Variants in LINGO2 observed in about 807,000 individuals in gnomAD.
The protein encoded by LINGO2 is leucine rich repeat and Ig domain containing 2.
In LINGO2, 14 loss-of-function variants were observed where a neutral mutation model predicts 30.6. The observed-to-expected ratio is 0.46, with a 90% confidence interval of 0.30 to 0.72. The LOEUF (loss-of-function observed/expected upper bound fraction) is 0.72. LINGO2 is among the 30% of genes least tolerant of loss of function. The pLI is 0.07. For synonymous variants in LINGO2, 317 were observed against 288.5 expected, an observed-to-expected ratio of 1.10 and a Z score of -1.00; for missense variants, 729 against 751.7, an observed-to-expected ratio of 0.97 and a Z score of 0.35.
the LINGO2 span, among the ~76,000 whole-genome samples, chr9:28,797,031 G>C: frequency 2.0e-5 from 3 of 151,224 alleles, no homozygotes; most frequent in Non-Finnish European, 2.9e-5. Context: ...CATTTTAAAG[G>C]CTTAATTTGC....
chr9:28,930,369 A>G, the LINGO2 span, among the ~76,000 whole-genome samples: 1 of 152,176 alleles, frequency 6.6e-6, no homozygotes, highest in Non-Finnish European at 1.5e-5. The surrounding 1 kb of genome is among the most constrained non-coding windows in gnomAD (Gnocchi z 4.2). Context: ...TGTTTCTTCT[A>G]GCAAAATGCT....
At chr9:28,027,398 C>G (rs1823433488) in intron 4 of LINGO2, among the ~76,000 whole-genome samples, 1 of 152,068 alleles carries the variant, frequency 6.6e-6, no homozygotes, top group Non-Finnish European at 1.5e-5. Flanking sequence ...CAAATAATGC[C>G]TAAAATTACC....
the LINGO2 span, among the ~76,000 whole-genome samples, chr9:28,786,407 T>G: frequency 6.6e-6 from 1 of 152,150 alleles, no homozygotes; most frequent in Admixed American, 6.5e-5. Context: ...TTATTTATTT[T>G]TATATATTCT....
intron 4 of LINGO2, among the ~76,000 whole-genome samples, chr9:28,288,598 G>A (rs1045721193): frequency 2.0e-5 from 3 of 152,108 alleles, no homozygotes; most frequent in Admixed American, 1.3e-4. Flanking sequence ...TGAGGACAGG[G>A]CGGGGAGGCT....
intron 1 of LINGO2, among the ~76,000 whole-genome samples, chr9:28,578,811 T>C (rs1437322067): frequency 6.6e-6 from 1 of 152,172 alleles, no homozygotes; most frequent in Non-Finnish European, 1.5e-5. Flanking sequence ...GACAACATTC[T>C]ATTTTAAGAA....
chr9:28,920,752 C>T, the LINGO2 span, among the ~76,000 whole-genome samples: 30 of 152,096 alleles, frequency 2.0e-4, no homozygotes, highest in South Asian at 3.3e-3. Flanking sequence ...GCACACAAAT[C>T]TACATAACCG....
chr9:28,422,138 A>G (rs1055381246), intron 2 of LINGO2, among the ~76,000 whole-genome samples: 1 of 152,098 alleles, frequency 6.6e-6, no homozygotes, highest in African/African-American at 2.4e-5. Context: ...ACCAAAGACA[A>G]GAAAAGAAAT....
intron 4 of LINGO2, among the ~76,000 whole-genome samples, chr9:28,105,230 G>T (rs1308839658): frequency 6.6e-6 from 1 of 152,146 alleles, no homozygotes; most frequent in Non-Finnish European, 1.5e-5. Context: ...TTCTTGTACT[G>T]ATGAGAAGTC....
the LINGO2 span, among the ~76,000 whole-genome samples, chr9:28,677,238 A>T: frequency 2.0e-5 from 3 of 152,198 alleles, no homozygotes; most frequent in Non-Finnish European, 4.4e-5. Flanking sequence ...AAGAACTGCT[A>T]CACTATCTCT....
At chr9:28,877,803 C>A in the LINGO2 span, among the ~76,000 whole-genome samples, 1 of 152,046 alleles carries the variant, frequency 6.6e-6, no homozygotes, top group Non-Finnish European at 1.5e-5. Flanking sequence ...TCATTGGTAG[C>A]TTGATGGGGA....
chr9:28,438,708 T>A (rs1824055771), intron 2 of LINGO2, among the ~76,000 whole-genome samples: 1 of 151,910 alleles, frequency 6.6e-6, no homozygotes, highest in South Asian at 2.1e-4. Context: ...GAATTAAGCT[T>A]ACAAATCTTT....
intron 4 of LINGO2, among the ~76,000 whole-genome samples, chr9:28,042,648 AATTCATAT>A (rs1183834966): frequency 6.6e-6 from 1 of 152,080 alleles, no homozygotes; most frequent in Non-Finnish European, 1.5e-5. Context: ...CTTATGGAAA[AATTCATAT>A]ATTCAATCTA....
At chr9:28,799,213 T>A in the LINGO2 span, among the ~76,000 whole-genome samples, 3,745 of 152,078 alleles carry the variant, frequency 0.025, 123 homozygotes, top group South Asian at 0.16. Context: ...TGAACCAGTA[T>A]GTCAATCATC....
intron 5 of LINGO2, among the ~76,000 whole-genome samples, chr9:27,955,935 C>CTT (rs532878364): frequency 0.45 from 48,120 of 106,516 alleles, 12,526 homozygotes; most frequent in Non-Finnish European, 0.58. Flanking sequence ...TGGATACTGA[C>CTT]TTTTTTTTTT....
chr9:29,202,895 G>A, the LINGO2 span, among the ~76,000 whole-genome samples: 1 of 151,986 alleles, frequency 6.6e-6, no homozygotes, highest in Non-Finnish European at 1.5e-5. Flanking sequence ...CCATACCTAA[G>A]TATTTTGCTA....
intron 1 of LINGO2, among the ~76,000 whole-genome samples, chr9:28,589,820 C>T (rs1167036417): frequency 7.9e-5 from 12 of 151,930 alleles, no homozygotes; most frequent in Non-Finnish European, 1.6e-4. Flanking sequence ...TCATATGGAA[C>T]CAAAAAAGAG....
In LINGO2 at chr9:28,534,290, G is replaced by A. The variant is rs565790417; in HGVS notation, c.-364-58265C>T. On this transcript the variant is annotated intron_variant, in intron 1 of 5. Transcript: ENST00000379992. ...TTCCACCTCAGCATCCTGAATTGCT[G>A]AGACTACAGGCATGTGCCATCACTT... Among the ~76,000 whole-genome samples, 6 of 152,250 alleles carry A rather than the reference G, an allele frequency of 3.9e-5. No individual in the cohort carries two copies. In the South Asian group the frequency reaches 1.2e-3, roughly 32 times the overall value.
At chr9:28,760,546 A>G in the LINGO2 span, among the ~76,000 whole-genome samples, 1 of 151,894 alleles carries the variant, frequency 6.6e-6, no homozygotes, top group Admixed American at 6.6e-5. Context: ...TACAGGTGGT[A>G]TTTGCTTACA....
At chr9:28,272,951 C>T (rs1270301111) in intron 4 of LINGO2, among the ~76,000 whole-genome samples, 3 of 152,190 alleles carry the variant, frequency 2.0e-5, no homozygotes, top group African/African-American at 4.8e-5. Context: ...TTCAGGTGCT[C>T]CCAGTGCACA....
Sources: allele counts gnomAD v4.1 joint callset (sites outside exome capture counted in the v4.1 genomes callset), GRCh38; gene constraint gnomAD v4.1.1; non-coding constraint Gnocchi (gnomAD v3.1); transcripts MANE v1.5; gene names NCBI Gene and HGNC (gene_info 2026-07-23, HGNC 2026-07-21).